The following UNC5C variants were observed in gnomAD, a reference collection of about 807,000 sequenced individuals.
The protein encoded by UNC5C is unc-5 netrin receptor C, also known as netrin receptor UNC5C.
In UNC5C, 47 loss-of-function variants were observed where a neutral mutation model predicts 99.8. The ratio of observed to expected loss-of-function variants is 0.47; its 90% confidence interval spans 0.37 to 0.60. The LOEUF (loss-of-function observed/expected upper bound fraction) is 0.60. UNC5C is among the 20% of genes least tolerant of loss of function. The pLI, the probability that UNC5C is intolerant of heterozygous loss-of-function variation, is 0.00. For synonymous variants in UNC5C, 487 were observed against 452.2 expected, an observed-to-expected ratio of 1.08 and a Z score of -0.98; for missense variants, 1,062 against 1,165.9, an observed-to-expected ratio of 0.91 and a Z score of 1.30.
chr4:95,408,287 T>G (rs867901885), intron 1 of UNC5C, among the ~76,000 whole-genome samples: 1 of 152,178 alleles, frequency 6.6e-6, no homozygotes, highest in African/African-American at 2.4e-5. Context: ...TTTTTGAGAC[T>G]TCTGTGAAAT....
intron 1 of UNC5C, among the ~76,000 whole-genome samples, chr4:95,535,006 T>G (rs566848369): frequency 6.6e-6 from 1 of 152,152 alleles, no homozygotes; most frequent in Non-Finnish European, 1.5e-5. Flanking sequence ...TCTTCCTGCT[T>G]TCTAATTATT....
intron 1 of UNC5C, among the ~76,000 whole-genome samples, chr4:95,445,313 GAATT>G (rs143613995): frequency 0.1 from 15,510 of 148,406 alleles, 1,046 homozygotes; most frequent in Non-Finnish European, 0.15. Flanking sequence ...TTTCCTAGAT[GAATT>G]AATTAGAGAA....
intron 1 of UNC5C, among the ~76,000 whole-genome samples, chr4:95,401,472 T>G (rs1244595835): frequency 6.6e-6 from 1 of 151,952 alleles, no homozygotes; most frequent in African/African-American, 2.4e-5. Flanking sequence ...AGGCTAAGGT[T>G]TTTTTGTAGC....
At chr4:95,303,893 G>A (rs1251209077) in intron 2 of UNC5C, among the ~76,000 whole-genome samples, 1 of 152,134 alleles carries the variant, frequency 6.6e-6, no homozygotes, top group Non-Finnish European at 1.5e-5. Context: ...TTCTCAAAAT[G>A]TTTGATTATA....
chr4:95,305,963 C>A (rs889018069), intron 2 of UNC5C, among the ~76,000 whole-genome samples: 2 of 152,048 alleles, frequency 1.3e-5, no homozygotes, highest in African/African-American at 4.8e-5. Context: ...TGGTAAGGCA[C>A]CACAAATACT....
At chr4:95,344,466 G>C (rs532131578) in intron 1 of UNC5C, among the ~76,000 whole-genome samples, 47 of 152,146 alleles carry the variant, frequency 3.1e-4, no homozygotes, top group African/African-American at 1.1e-3. Flanking sequence ...CAATTGGAAA[G>C]AAAATGTTAA....
intron 1 of UNC5C, among the ~76,000 whole-genome samples, chr4:95,374,076 A>T (rs1416239795): frequency 6.6e-6 from 1 of 152,138 alleles, no homozygotes; most frequent in East Asian, 1.9e-4. Flanking sequence ...GATGTTAAGA[A>T]AACAGGAAGG....
intron 1 of UNC5C, 43 bp from the exon 2 acceptor site, chr4:95,335,674 A>G: frequency 1.3e-6 from 2 of 1,497,792 alleles, no homozygotes; most frequent in Non-Finnish European, 1.8e-6. Flanking sequence ...ACACATTGTA[A>G]CAACTTGCCT....
intron 1 of UNC5C, among the ~76,000 whole-genome samples, chr4:95,448,037 A>T (rs550219385): frequency 1.4e-4 from 21 of 152,130 alleles, no homozygotes; most frequent in Non-Finnish European, 2.1e-4. Context: ...GCTAATGTCC[A>T]GTTGAGAAAA....
chr4:95,450,310 C>T (rs1279763097), intron 1 of UNC5C, among the ~76,000 whole-genome samples: 1 of 152,194 alleles, frequency 6.6e-6, no homozygotes, highest in Non-Finnish European at 1.5e-5. Context: ...GCCTCAAGCT[C>T]CTGGGCTCAA....
rs888090635 is a variant in UNC5C, at chr4:95,166,111, A to G, written c.*3123T>C. On this transcript the variant is annotated 3_prime_UTR_variant, in exon 16 of 16. Transcript: ENST00000453304. Reference sequence around the variant, plus strand: ...TTAAACTCAGGTTAGATTGTGTTGTACACCACTAGATGGCAGCATGCACAA... The same window carrying G: ...TTAAACTCAGGTTAGATTGTGTTGTGCACCACTAGATGGCAGCATGCACAA... 1 of 152,234 alleles carries G rather than the reference A, an allele frequency of 6.6e-6. No homozygotes were observed. The highest frequency in any genetic ancestry group is 1.5e-5 in the Non-Finnish European group (1 of 68,032). The allele number at this position is 152,234 out of a possible 1,614,324, so 9.4% of individuals were successfully genotyped here.
At chr4:95,265,297 AC>A (rs1368321526) in intron 4 of UNC5C, among the ~76,000 whole-genome samples, 5 of 149,896 alleles carry the variant, frequency 3.3e-5, no homozygotes, top group East Asian at 2.1e-4. Context: ...TACAAAAAAA[AC>A]ATAATAAGTG....
intron 2 of UNC5C, among the ~76,000 whole-genome samples, chr4:95,326,418 A>C (rs541481839): frequency 1.0e-3 from 155 of 152,298 alleles, no homozygotes; most frequent in African/African-American, 3.4e-3. Flanking sequence ...AAAGGCTTCA[A>C]GTAAATAGAA....
intron 3 of UNC5C, among the ~76,000 whole-genome samples, chr4:95,291,895 T>C (rs1215287190): frequency 6.6e-6 from 1 of 152,102 alleles, no homozygotes; most frequent in East Asian, 1.9e-4. Flanking sequence ...CAAGGTATCA[T>C]ACTACAACTC....
At chr4:95,171,669 T>C (rs1736117176) in intron 14 of UNC5C, among the ~76,000 whole-genome samples, 1 of 151,962 alleles carries the variant, frequency 6.6e-6, no homozygotes, top group Non-Finnish European at 1.5e-5. Flanking sequence ...TCCAAGTCTT[T>C]GCTATTGTGA....
chr4:95,412,805 T>C (rs1298826816), intron 1 of UNC5C, among the ~76,000 whole-genome samples: 2 of 152,128 alleles, frequency 1.3e-5, no homozygotes, highest in African/African-American at 4.8e-5. Flanking sequence ...ACAGAAAGAA[T>C]GGGAGAGCAT....
At chr4:95,490,289 T>G (rs1489142702) in intron 1 of UNC5C, among the ~76,000 whole-genome samples, 2 of 151,640 alleles carry the variant, frequency 1.3e-5, no homozygotes, top group Non-Finnish European at 3.0e-5. Flanking sequence ...CATTAAAAAG[T>G]GACAACTCTA....
intron 1 of UNC5C, among the ~76,000 whole-genome samples, chr4:95,339,433 A>AATTCAATTAATATTACCAT (rs1418358165): frequency 1.3e-5 from 2 of 152,078 alleles, no homozygotes; most frequent in East Asian, 3.9e-4. Context: ...CAGTACCTTC[A>AATTCAATTAATATTACCAT]ATTCAATTAA....
chr4:95,213,602 G>A (rs1382543054), intron 10 of UNC5C, among the ~76,000 whole-genome samples: 1 of 152,120 alleles, frequency 6.6e-6, no homozygotes, highest in African/African-American at 2.4e-5. Context: ...TTAAGTTCAC[G>A]CCTCCCTTCA....
Sources: allele counts gnomAD v4.1 joint callset (sites outside exome capture counted in the v4.1 genomes callset), GRCh38; gene constraint gnomAD v4.1.1; transcripts MANE v1.5; gene names NCBI Gene and HGNC (gene_info 2026-07-23, HGNC 2026-07-21).